The following CTNNA2 variants were observed in gnomAD, a reference collection of about 807,000 sequenced individuals.
CTNNA2 encodes catenin alpha 2, also known as catenin alpha-2.
In CTNNA2, 42 loss-of-function variants were observed where a neutral mutation model predicts 101.0. The observed-to-expected ratio is 0.42, with a 90% confidence interval of 0.32 to 0.54. The LOEUF is 0.54. Ranked by LOEUF, CTNNA2 falls within the 20% of genes least tolerant of loss-of-function variation. CTNNA2 has a pLI of 0.14. For missense variants in CTNNA2, 871 were observed against 1,223.1 expected (o/e 0.71, Z 4.29); for synonymous variants, 450 against 456.4 (o/e 0.99, Z 0.18).
chr2:80,283,344 T>G (rs945558976), intron 7 of CTNNA2, among the ~76,000 whole-genome samples: 3 of 152,140 alleles, frequency 2.0e-5, no homozygotes, highest in Non-Finnish European at 4.4e-5. Context: ...AATGCTGGTT[T>G]GAGGTGATGG....
chr2:79,307,378 T>C (rs1676271642), intron 2 of CTNNA2, among the ~76,000 whole-genome samples: 1 of 152,194 alleles, frequency 6.6e-6, no homozygotes, highest in African/African-American at 2.4e-5. Context: ...AACAAATCTA[T>C]CCTTCCTTTT....
intron 7 of CTNNA2, among the ~76,000 whole-genome samples, chr2:80,300,932 T>A (rs1451628130): frequency 2.0e-5 from 3 of 148,738 alleles, no homozygotes; most frequent in African/African-American, 5.0e-5. Flanking sequence ...GAAGGAGCAA[T>A]CATCACTCTC....
intron 18 of CTNNA2, among the ~76,000 whole-genome samples, chr2:80,646,877 T>A (rs185340352): frequency 1.4e-4 from 21 of 152,206 alleles, no homozygotes; most frequent in African/African-American, 2.6e-4. Flanking sequence ...ATCAGCTCTC[T>A]CATTCTAAAA....
At chr2:80,261,885 T>C (rs760172078) in intron 7 of CTNNA2, among the ~76,000 whole-genome samples, 1 of 152,192 alleles carries the variant, frequency 6.6e-6, no homozygotes, top group African/African-American at 2.4e-5. Flanking sequence ...TATGTTACCC[T>C]AAGACATGTT....
intron 2 of CTNNA2, among the ~76,000 whole-genome samples, chr2:79,731,333 C>G (rs2104920599): frequency 6.6e-6 from 1 of 152,080 alleles, no homozygotes. Context: ...TCTCAGGGAG[C>G]CCTGTACTCT....
At chr2:79,988,303 A>G (rs1476222391) in intron 7 of CTNNA2, among the ~76,000 whole-genome samples, 2 of 152,176 alleles carry the variant, frequency 1.3e-5, no homozygotes, top group East Asian at 3.9e-4. Context: ...CATCAGCACT[A>G]TCATCGTGGA....
intron 4 of CTNNA2, among the ~76,000 whole-genome samples, chr2:79,436,822 G>T (rs1353398198): frequency 6.6e-6 from 1 of 151,878 alleles, no homozygotes; most frequent in Admixed American, 6.6e-5. Context: ...TAGTAGAGAT[G>T]GGGTGTCACC....
At chr2:79,513,705 A>T (rs1194009896) in intron 1 of CTNNA2, among the ~76,000 whole-genome samples, 1 of 147,144 alleles carries the variant, frequency 6.8e-6, no homozygotes, top group Non-Finnish European at 1.5e-5. Context: ...AGAGGATCGA[A>T]GAAGAATCTG....
chr2:80,429,989 G>A (rs373507938), intron 9 of CTNNA2, among the ~76,000 whole-genome samples: 23 of 152,258 alleles, frequency 1.5e-4, no homozygotes, highest in South Asian at 1.2e-3. Flanking sequence ...ACTATAAAGC[G>A]TAGAGCCATG....
chr2:80,177,919 A>G (rs1291103835), intron 7 of CTNNA2, among the ~76,000 whole-genome samples: 1 of 152,182 alleles, frequency 6.6e-6, no homozygotes, highest in Non-Finnish European at 1.5e-5. Context: ...GCAATGCTCA[A>G]AGTTCTGCCC....
intron 7 of CTNNA2, among the ~76,000 whole-genome samples, chr2:79,981,127 A>G (rs1330053232): frequency 1.3e-5 from 2 of 152,204 alleles, no homozygotes; most frequent in Non-Finnish European, 2.9e-5. Context: ...TTTCTTTGAA[A>G]GAGCTTGAGT....
At chr2:79,287,018 G>A (rs932292430) in intron 2 of CTNNA2, among the ~76,000 whole-genome samples, 40 of 151,724 alleles carry the variant, frequency 2.6e-4, no homozygotes, top group Non-Finnish European at 3.8e-4. Flanking sequence ...ATCTTCCATC[G>A]CTGATACCCT....
rs568322411 is a variant in CTNNA2 at position 80,436,534 on chromosome 2, C to T, written c.1290+16933C>T. Among the ~76,000 whole-genome samples, 3 of 152,266 alleles carry T rather than the reference C, an allele frequency of 2.0e-5. No homozygotes were observed. The South Asian group carries it at 6.2e-4, about 32-fold the overall frequency. On this transcript the variant is annotated intron_variant, in intron 9 of 18. Transcript: ENST00000402739. ...GAATCTCCTCATGCTACAGCCGCTG[C>T]TATGGTCTCAATGTTTGTGACCCTC...
chr2:79,891,265 T>C (rs1684284598), intron 6 of CTNNA2, among the ~76,000 whole-genome samples: 1 of 152,112 alleles, frequency 6.6e-6, no homozygotes, highest in Non-Finnish European at 1.5e-5. Context: ...TGCATGGAAG[T>C]TAAGAATCGT....
At chr2:80,281,682 A>G (rs535633255) in intron 7 of CTNNA2, among the ~76,000 whole-genome samples, 2 of 152,254 alleles carry the variant, frequency 1.3e-5, no homozygotes, top group Non-Finnish European at 2.9e-5. Context: ...TTCAGAAGAT[A>G]TATTGAAACA....
chr2:80,391,226 A>G (rs1677483436), intron 7 of CTNNA2, among the ~76,000 whole-genome samples: 1 of 151,800 alleles, frequency 6.6e-6, no homozygotes, highest in Non-Finnish European at 1.5e-5. Context: ...CATCTAAATT[A>G]TACTCCCTCT....
intron 7 of CTNNA2, among the ~76,000 whole-genome samples, chr2:79,982,240 A>G (rs1372925423): frequency 2.5e-4 from 21 of 82,838 alleles, no homozygotes; most frequent in East Asian, 4.3e-4. Flanking sequence ...ATATATATAT[A>G]TGTATGTATA....
intron 9 of CTNNA2, among the ~76,000 whole-genome samples, chr2:80,473,574 T>C (rs1685482172): frequency 6.6e-6 from 1 of 152,190 alleles, no homozygotes; most frequent in Non-Finnish European, 1.5e-5. Flanking sequence ...GAAGAGGTTA[T>C]AAATGCTGTA....
intron 18 of CTNNA2, among the ~76,000 whole-genome samples, chr2:80,642,630 G>C (rs771020817): frequency 6.6e-6 from 1 of 152,130 alleles, no homozygotes; most frequent in Non-Finnish European, 1.5e-5. Context: ...TTCTGCAGTC[G>C]AATTCTGTTT....
Sources: gnomAD v4.1 joint callset for allele counts (sites outside exome capture counted in the v4.1 genomes callset) on GRCh38, gnomAD v4.1.1 for gene constraint, MANE v1.5 for transcripts, NCBI Gene and HGNC (gene_info 2026-07-23, HGNC 2026-07-21) for gene names.